Variants in TPTE observed in about 807,000 individuals in gnomAD.
TPTE encodes the protein putative tyrosine-protein phosphatase TPTE.
Under a neutral mutation model 84.1 loss-of-function variants are expected in TPTE, and 59 were observed. The ratio of observed to expected loss-of-function variants is 0.70; its 90% CI spans 0.57 to 0.87. The LOEUF (loss-of-function observed/expected upper bound fraction) is 0.87. Among genes scored for constraint, TPTE ranks in the 40% least tolerant of loss-of-function variants. The pLI, the probability that TPTE is intolerant of heterozygous loss-of-function variation, is 0.00. For missense variants in TPTE, 382 were observed against 659.6 expected, an observed-to-expected ratio of 0.58 and a Z score of 4.61; for synonymous variants, 130 against 223.5, an observed-to-expected ratio of 0.58 and a Z score of 3.73.
chr21:10,561,633 G>C (rs1408692802), intron 10 of TPTE, among the ~76,000 whole-genome samples: 1 of 152,310 alleles, frequency 6.6e-6, no homozygotes, highest in Non-Finnish European at 1.5e-5. Flanking sequence ...GGTGGCCATG[G>C]ATTGATGCTC....
rs750973423 is a variant in TPTE, at chr21:10,603,608, A to ACACAT, written c.1498_1502dup (p.Phe502HisfsTer42). On this transcript the variant is annotated frameshift_variant, in exon 23 of 24. Transcript: ENST00000618007. LOFTEE classifies it high-confidence loss of function. ...AATTGCTCATTTTACTTCTGGTTGC[A>ACACAT]CACATCTTTTATTGAAAATAACAGG... is the stretch of plus-strand genomic sequence containing the variant. 1 of 1,612,494 alleles carries ACACAT rather than the reference A, an allele frequency of 6.2e-7. No homozygotes were observed. The highest frequency in any genetic ancestry group is 8.5e-7 in the Non-Finnish European group (1 of 1,178,812).
At chr21:10,556,237 C>T (rs1214189994) in intron 8 of TPTE, among the ~76,000 whole-genome samples, 1 of 152,310 alleles carries the variant, frequency 6.6e-6, no homozygotes, top group East Asian at 1.9e-4. Flanking sequence ...GTTCCCCTTC[C>T]TGTGTCCAAG....
chr21:10,554,255 TC>T (rs1402493206), intron 8 of TPTE, among the ~76,000 whole-genome samples: 1 of 152,310 alleles, frequency 6.6e-6, no homozygotes, highest in African/African-American at 2.4e-5. Context: ...GCTGAACAAT[TC>T]AGTTTTTTTA....
chr21:10,553,357 T>C (rs1437388156), intron 8 of TPTE, among the ~76,000 whole-genome samples: 1 of 152,308 alleles, frequency 6.6e-6, no homozygotes, highest in African/African-American at 2.4e-5. Context: ...CTTGTGTCAA[T>C]GCTGGAGAGG....
intron 1 of TPTE, 102 bp from the exon 2 acceptor site, chr21:10,524,478 G>T (rs1600846166): frequency 6.6e-6 from 1 of 152,570 alleles, no homozygotes; most frequent in African/African-American, 2.4e-5. Context: ...AACAAGCTTG[G>T]TTTTGGGAAC....
chr21:10,548,605 C>G (rs1241772150), intron 7 of TPTE, among the ~76,000 whole-genome samples: 5 of 152,310 alleles, frequency 3.3e-5, no homozygotes, highest in Non-Finnish European at 5.9e-5. Context: ...ATATCCAGGA[C>G]AGCTGAGAAG....
chr21:10,581,120 G>T (rs2075263780), intron 17 of TPTE, among the ~76,000 whole-genome samples: 1 of 152,306 alleles, frequency 6.6e-6, no homozygotes, highest in African/African-American at 2.4e-5. Context: ...TTAAAATACA[G>T]GTTCTGTGTT....
At chr21:10,527,133 CCT>C (rs59412977) in intron 2 of TPTE, among the ~76,000 whole-genome samples, 649 of 148,004 alleles carry the variant, frequency 4.4e-3, no homozygotes, top group African/African-American at 9.4e-3. Context: ...TTCTGTGTCC[CCT>C]CTCTCTCTCT....
At chr21:10,551,584 C>A (rs1251057291) in intron 7 of TPTE, among the ~76,000 whole-genome samples, 1 of 152,266 alleles carries the variant, frequency 6.6e-6, no homozygotes. Context: ...TAATGAAGAC[C>A]AAACAGAAAT....
intron 17 of TPTE, among the ~76,000 whole-genome samples, chr21:10,588,195 GTGTT>G (rs1305885001): frequency 6.8e-6 from 1 of 147,254 alleles, no homozygotes; most frequent in African/African-American, 2.6e-5. Context: ...AGTTTCTTGA[GTGTT>G]TTTTTTTTTT....
At chr21:10,585,439 A>G (rs1290294333) in intron 17 of TPTE, among the ~76,000 whole-genome samples, 1 of 152,310 alleles carries the variant, frequency 6.6e-6, no homozygotes, top group Non-Finnish European at 1.5e-5. Context: ...TCTGGAATAA[A>G]TGTAATTTAG....
intron 17 of TPTE, among the ~76,000 whole-genome samples, chr21:10,585,643 T>A (rs1367694111): frequency 6.6e-6 from 1 of 152,310 alleles, no homozygotes; most frequent in African/African-American, 2.4e-5. Flanking sequence ...CTGTTTTTAT[T>A]CTCTGGGTAA....
At chr21:10,539,892 C>A (rs2145612016) in intron 4 of TPTE, among the ~76,000 whole-genome samples, 1 of 152,426 alleles carries the variant, frequency 6.6e-6, no homozygotes, top group Non-Finnish European at 1.5e-5. Context: ...ACCTGTAGTC[C>A]CTGCTACTCG....
chr21:10,546,829 C>G (rs977266076), intron 7 of TPTE, among the ~76,000 whole-genome samples: 2 of 152,306 alleles, frequency 1.3e-5, no homozygotes, highest in African/African-American at 4.8e-5. Flanking sequence ...AAGGTTTGTT[C>G]ATGAGGTTTA....
chr21:10,540,117 G>A (rs1306617015), intron 4 of TPTE, among the ~76,000 whole-genome samples: 1 of 152,312 alleles, frequency 6.6e-6, no homozygotes, highest in Non-Finnish European at 1.5e-5. Context: ...TGTTGTCTTA[G>A]TATGTACATG....
At position 10,569,510 on chromosome 21, in the gene TPTE, CAACTT is replaced by C. The variant is rs2074997750; in HGVS notation, c.641_645del (p.Gln214ArgfsTer21). 3 of 1,613,930 alleles carry C rather than the reference CAACTT, an allele frequency of 1.9e-6. No individual in the cohort carries two copies. The highest frequency in any genetic ancestry group is 1.1e-5 in the South Asian group (1 of 91,048). ...TTTTCATCTGTTTCATCAAAAAAGA[CAACTT>C]GAAAAGCTGATAAGAAGGCGGGTAA... On this transcript the variant is annotated frameshift_variant, in exon 12 of 24. Coordinates refer to ENST00000618007, the MANE Select transcript of TPTE (RefSeq NM_199261.4). LOFTEE classifies it high-confidence loss of function.
intron 10 of TPTE, among the ~76,000 whole-genome samples, chr21:10,563,124 A>G (rs868649226): frequency 3.0e-4 from 46 of 152,344 alleles, no homozygotes; most frequent in Middle Eastern, 6.8e-3. Flanking sequence ...GTGCTGAAGG[A>G]AAAAAACATT....
At chr21:10,579,718 C>T (rs1473005294) in intron 17 of TPTE, among the ~76,000 whole-genome samples, 1 of 152,306 alleles carries the variant, frequency 6.6e-6, no homozygotes, top group African/African-American at 2.4e-5. Context: ...GACAGGATCT[C>T]CTCTAAGGCT....
intron 1 of TPTE, among the ~76,000 whole-genome samples, chr21:10,524,211 G>A (rs2074039178): frequency 6.6e-6 from 1 of 152,312 alleles, no homozygotes; most frequent in South Asian, 2.1e-4. Flanking sequence ...TCTGTTGGCT[G>A]TTATCCTCTC....
Sources: gnomAD v4.1 joint callset for allele counts (sites outside exome capture counted in the v4.1 genomes callset) on GRCh38, gnomAD v4.1.1 for gene constraint, MANE v1.5 for transcripts, NCBI Gene and HGNC (gene_info 2026-07-23, HGNC 2026-07-21) for gene names.